Variants in SUCLA2 observed in about 807,000 individuals in gnomAD.
SUCLA2 encodes succinate-CoA ligase ADP-forming subunit beta, also known as succinate--CoA ligase [ADP-forming] subunit beta, mitochondrial.
In SUCLA2, 30 loss-of-function variants were observed where a neutral mutation model predicts 54.8. The observed-to-expected ratio is 0.55, with a 90% CI of 0.41 to 0.74. The LOEUF (loss-of-function observed/expected upper bound fraction) is 0.74. Among genes scored for constraint, SUCLA2 ranks in the 30% least tolerant of loss-of-function variants. The pLI is 0.00. For missense variants in SUCLA2, 476 were observed against 562.9 expected, an observed-to-expected ratio of 0.85 and a Z score of 1.56; for synonymous variants, 172 against 188.9, an observed-to-expected ratio of 0.91 and a Z score of 0.74.
At chr13:47,975,366 G>A (rs1056570454) in intron 4 of SUCLA2, among the ~76,000 whole-genome samples, 1 of 151,612 alleles carries the variant, frequency 6.6e-6, no homozygotes, top group Non-Finnish European at 1.5e-5. Flanking sequence ...TTACCATCTT[G>A]GCCAAGCTGG....
intron 6 of SUCLA2, among the ~76,000 whole-genome samples, chr13:47,959,985 C>A (rs993678298): frequency 6.6e-6 from 1 of 151,978 alleles, no homozygotes; most frequent in African/African-American, 2.4e-5. Flanking sequence ...GAGTGAATTT[C>A]TTGATTGCAC....
intron 2 of SUCLA2, 35 bp from the exon 3 acceptor site, chr13:47,989,016 T>C (rs190095709): frequency 1.3e-6 from 2 of 1,573,538 alleles, no homozygotes; most frequent in African/African-American, 1.3e-5. Flanking sequence ...ATATGAAGCA[T>C]GGAGCAGCAT....
At chr13:47,960,646 T>C (rs1019828342) in intron 6 of SUCLA2, among the ~76,000 whole-genome samples, 2 of 152,088 alleles carry the variant, frequency 1.3e-5, no homozygotes, top group Admixed American at 1.3e-4. Context: ...CTCTTCAAAC[T>C]AATTTAGTTG....
At chr13:47,986,022 AT>A (rs1184732541) in intron 4 of SUCLA2, among the ~76,000 whole-genome samples, 3 of 134,680 alleles carry the variant, frequency 2.2e-5, no homozygotes, top group Non-Finnish European at 4.7e-5. Context: ...TGTTGGCCAT[AT>A]GTATAGTTTT....
At chr13:47,967,160 A>C (rs1949925958) in intron 6 of SUCLA2, among the ~76,000 whole-genome samples, 2 of 152,318 alleles carry the variant, frequency 1.3e-5, no homozygotes, top group African/African-American at 4.8e-5. Context: ...TTTTTAAATC[A>C]GTATTTGGAT....
rs539136636 is a variant in SUCLA2, at chr13:47,972,459, AG to A, written c.663+804del. The stretch of plus-strand genomic sequence containing the variant: ...CGAGGCGGGTGGATCACCTGAGGTC[AG>A]GAGTTCGAGACCAACCTGATCAACA... On this transcript the variant is annotated intron_variant, in intron 5 of 10. Transcript: ENST00000646932. 2.2e-3 allele frequency among the ~76,000 whole-genome samples: 337 copies of A among 152,076 alleles called. 5 individuals carry two copies. Among genetic ancestry groups the A allele is most frequent in the Admixed American group, 0.02 (313 of 15,280 alleles).
chr13:47,943,309 A>C lies in SUCLA2; in HGVS notation c.*62T>G. ...AAAAGAAAAAGAACAATAACACAGA[A>C]CACAGTATTCTTAATGATTATAGCA... On this transcript the variant is annotated 3_prime_UTR_variant, in exon 11 of 11. Coordinates refer to ENST00000646932, the MANE Select transcript of SUCLA2 (RefSeq NM_003850.3). 1 of 1,474,734 alleles carries C rather than the reference A, an allele frequency of 6.8e-7. No homozygotes were observed. The highest frequency in any genetic ancestry group is 9.5e-7 in the Non-Finnish European group (1 of 1,054,062). 91.4% of individuals were successfully genotyped at this position (1,474,734 alleles called of 1,614,324 possible).
chr13:47,978,473 T>C (rs1380141784), intron 4 of SUCLA2, among the ~76,000 whole-genome samples: 1 of 152,178 alleles, frequency 6.6e-6, no homozygotes, highest in East Asian at 1.9e-4. Context: ...TGCAGAAAAC[T>C]GAAACTGGAT....
chr13:47,994,571 A>C (rs1415585113), intron 2 of SUCLA2, among the ~76,000 whole-genome samples: 2 of 151,156 alleles, frequency 1.3e-5, no homozygotes, highest in African/African-American at 4.8e-5. Context: ...CCGTCTCAAA[A>C]AAAAAAAAAA....
At chr13:47,963,631 C>G (rs1445916244) in intron 6 of SUCLA2, among the ~76,000 whole-genome samples, 1 of 144,472 alleles carries the variant, frequency 6.9e-6, no homozygotes, top group African/African-American at 2.6e-5. Context: ...GGCAACAGAA[C>G]GAGACTCTGT....
intron 8 of SUCLA2, among the ~76,000 whole-genome samples, chr13:47,953,006 T>C (rs1949788582): frequency 6.6e-6 from 1 of 152,172 alleles, no homozygotes; most frequent in Non-Finnish European, 1.5e-5. Context: ...CTGTCCTCTG[T>C]TCTTCCACAG....
chr13:47,954,041 A>G, intron 8 of SUCLA2, 99 bp downstream of exon 8: 1 of 1,085,586 alleles, frequency 9.2e-7, no homozygotes, highest in Non-Finnish European at 1.2e-6. Flanking sequence ...AAAGACATAT[A>G]TATGAATTCT....
chr13:47,972,489 T>C (rs981463724), intron 5 of SUCLA2, among the ~76,000 whole-genome samples: 38 of 151,680 alleles, frequency 2.5e-4, no homozygotes, highest in African/African-American at 8.7e-4. Context: ...ATCAACAAGA[T>C]GAAACTCCAT....
chr13:47,973,099 A>C (rs756639228), intron 5 of SUCLA2, among the ~76,000 whole-genome samples, 165 bp downstream of exon 5: 5 of 152,172 alleles, frequency 3.3e-5, no homozygotes, highest in Non-Finnish European at 7.4e-5. Context: ...GAGATATGAA[A>C]AAATTGTAAA....
intron 6 of SUCLA2, among the ~76,000 whole-genome samples, chr13:47,962,793 G>A: frequency 6.6e-6 from 1 of 152,138 alleles, no homozygotes; most frequent in Non-Finnish European, 1.5e-5. Context: ...TGACCCAACA[G>A]TCCCATAGAC....
At chr13:47,998,110 A>G (rs951097923) in intron 1 of SUCLA2, among the ~76,000 whole-genome samples, 1 of 152,066 alleles carries the variant, frequency 6.6e-6, no homozygotes, top group African/African-American at 2.4e-5. Flanking sequence ...TGTCACTTCA[A>G]TATTAAAAGC....
At chr13:47,944,846 A>C (rs1243789909) in intron 10 of SUCLA2, among the ~76,000 whole-genome samples, 1 of 152,260 alleles carries the variant, frequency 6.6e-6, no homozygotes, top group African/African-American at 2.4e-5. Flanking sequence ...AGTCTGGCCA[A>C]GCCTGGGGGC....
At chr13:47,996,305 A>C (rs563441284) in intron 2 of SUCLA2, among the ~76,000 whole-genome samples, 29 of 150,874 alleles carry the variant, frequency 1.9e-4, no homozygotes, top group African/African-American at 7.1e-4. Flanking sequence ...CCTGGGCAAT[A>C]AGAATGAAAC....
intron 6 of SUCLA2, among the ~76,000 whole-genome samples, chr13:47,968,008 T>C (rs537065853): frequency 1.3e-5 from 2 of 152,198 alleles, no homozygotes; most frequent in Admixed American, 6.5e-5. Flanking sequence ...AAAGACCCCA[T>C]ATACATAAAG....
Sources: gnomAD v4.1 joint callset for allele counts (sites outside exome capture counted in the v4.1 genomes callset) on GRCh38, gnomAD v4.1.1 for gene constraint, MANE v1.5 for transcripts, NCBI Gene and HGNC (gene_info 2026-07-23, HGNC 2026-07-21) for gene names.